Variants in AMOTL1 observed in about 807,000 individuals in gnomAD.
The protein encoded by AMOTL1 is angiomotin like 1.
A neutral mutation model predicts 102.9 loss-of-function variants in AMOTL1; 45 were observed. The observed-to-expected ratio is 0.44, with a 90% CI of 0.34 to 0.56. The LOEUF (loss-of-function observed/expected upper bound fraction) is 0.56, where lower values mean the gene tolerates loss of function less well. AMOTL1 is among the 20% of genes least tolerant of loss of function. The pLI, the probability that AMOTL1 is intolerant of heterozygous loss-of-function variation, is 0.01. For synonymous variants in AMOTL1, 481 were observed against 484.7 expected (o/e 0.99, Z 0.10); for missense variants, 1,114 against 1,225.6 (o/e 0.91, Z 1.36).
intron 1 of AMOTL1, among the ~76,000 whole-genome samples, chr11:94,780,325 A>G (rs1388028865): frequency 6.6e-6 from 1 of 152,206 alleles, no homozygotes; most frequent in Non-Finnish European, 1.5e-5. Flanking sequence ...GTGGCCAGGT[A>G]AGGAGACTTT....
intron 3 of AMOTL1, among the ~76,000 whole-genome samples, chr11:94,760,669 T>A (rs72971744): frequency 6.6e-6 from 1 of 152,196 alleles, no homozygotes; most frequent in Non-Finnish European, 1.5e-5. Flanking sequence ...TGTTAACCCC[T>A]CTGTTATTGC....
chr11:94,863,050 T>A (rs1351369455), intron 9 of AMOTL1, among the ~76,000 whole-genome samples: 1 of 152,100 alleles, frequency 6.6e-6, no homozygotes, highest in Non-Finnish European at 1.5e-5. Flanking sequence ...AATACCTGAG[T>A]TAGAATCCAT....
intron 11 of AMOTL1, among the ~76,000 whole-genome samples, chr11:94,867,825 T>C (rs1290514679): frequency 6.6e-6 from 1 of 152,206 alleles, no homozygotes; most frequent in African/African-American, 2.4e-5. Context: ...TTCCACAGGC[T>C]GGGCGATGAA....
intron 3 of AMOTL1, among the ~76,000 whole-genome samples, chr11:94,741,512 C>A (rs1446976274): frequency 6.6e-6 from 1 of 152,152 alleles, no homozygotes; most frequent in East Asian, 1.9e-4. Flanking sequence ...TCCCTGATTT[C>A]TATTCCTCAG....
chr11:94,824,193 C>T (rs892833660), intron 4 of AMOTL1, among the ~76,000 whole-genome samples: 2 of 152,116 alleles, frequency 1.3e-5, no homozygotes, highest in African/African-American at 4.8e-5. Flanking sequence ...CCTTCTTGAA[C>T]CCAAAACTTT....
rs192987295 is a variant in AMOTL1, at chr11:94,719,065, A to C, written c.-50-9856A>C. ...GCTGTGAATAGGAATCCACTTAAAA[A>C]AATGAATAGACAATTGTCCCAATAA... On this transcript the variant is annotated intron_variant, in intron 1 of 4. Coordinates refer to the AMOTL1 transcript ENST00000299004. 3.7e-3 allele frequency among the ~76,000 whole-genome samples: 569 copies of C among 152,162 alleles called. 7 individuals are homozygous for C. The highest frequency in any genetic ancestry group is 0.013 in the African/African-American group (543 of 41,556).
rs764609049 is a variant in AMOTL1 at position 94,831,588 on chromosome 11, C to T, written c.1648+47C>T. 14 of 1,517,390 alleles carry T rather than the reference C, an allele frequency of 9.2e-6. No homozygotes were observed. In the African/African-American group the frequency reaches 1.2e-4, roughly 13 times the overall value. The allele number at this position is 1,517,390 out of a possible 1,614,324, so 94.0% of individuals were successfully genotyped here. ...ATCCCAAAGTTTGTTTGTTTAAAAA[C>T]GGGGTCCTGAAGGAAGAATCATATT... is the stretch of plus-strand genomic sequence containing the variant. On this transcript the variant is annotated intron_variant, in intron 6 of 12. Transcript: ENST00000433060.
chr11:94,844,803 G>A (rs1383906477), intron 6 of AMOTL1, among the ~76,000 whole-genome samples: 2 of 152,092 alleles, frequency 1.3e-5, no homozygotes, highest in African/African-American at 4.8e-5. Context: ...GAAATTTGGG[G>A]AACCATATTC....
At chr11:94,796,435 A>G (rs563593133) in intron 2 of AMOTL1, among the ~76,000 whole-genome samples, 1 of 152,316 alleles carries the variant, frequency 6.6e-6, no homozygotes, top group Admixed American at 6.5e-5. Context: ...AAATATAACA[A>G]ACAGAACTCT....
chr11:94,724,477 G>A (rs1346296997), intron 1 of AMOTL1, among the ~76,000 whole-genome samples: 1 of 152,162 alleles, frequency 6.6e-6, no homozygotes, highest in African/African-American at 2.4e-5. Context: ...GGCTGAATAA[G>A]CATATACTGG....
At position 94,799,867 on chromosome 11, in the gene AMOTL1, A is replaced by G. The variant is rs755521673; in HGVS notation, c.677A>G (p.Gln226Arg). 6.3e-7 allele frequency: 1 copy of G among 1,592,402 alleles called. No homozygotes were observed. Among genetic ancestry groups the G allele is most frequent in the African/African-American group, 1.3e-5 (1 of 74,596 alleles). ...HGYYMAGGTSQKSRTEGRPTV... is the reference protein window; with the variant it reads ...HGYYMAGGTSRKSRTEGRPTV... ...TACTACATGGCAGGGGGCACCAGTC[A>G]GAAGTCCCGAACTGAGGGGAGGCCC... The change falls in exon 3 of 13, where the codon CAG becomes CGG. Residue 226 changes from glutamine to arginine, a missense_variant. Transcript: ENST00000433060. This position sits in a 1 kb window ranked among gnomAD's most constrained non-coding sequence, Gnocchi z 4.5.
chr11:94,807,616 A>G (rs1278453544), intron 3 of AMOTL1, among the ~76,000 whole-genome samples: 1 of 152,176 alleles, frequency 6.6e-6, no homozygotes, highest in South Asian at 2.1e-4. Flanking sequence ...TTCCTTTTGT[A>G]ATAGTTCCTT....
At chr11:94,839,708 C>T (rs1458500954) in intron 6 of AMOTL1, among the ~76,000 whole-genome samples, 1 of 152,178 alleles carries the variant, frequency 6.6e-6, no homozygotes, top group Non-Finnish European at 1.5e-5. Flanking sequence ...ATTAGGACCT[C>T]CTTTTTCTTA....
chr11:94,780,467 T>C (rs1001911538), intron 1 of AMOTL1, among the ~76,000 whole-genome samples: 10 of 152,238 alleles, frequency 6.6e-5, no homozygotes, highest in African/African-American at 2.4e-4. Flanking sequence ...AAGTTGAAAA[T>C]GTAATTTTAG....
chr11:94,749,372 G>A (rs758297384), intron 3 of AMOTL1, among the ~76,000 whole-genome samples: 17 of 152,264 alleles, frequency 1.1e-4, no homozygotes, highest in South Asian at 2.1e-4. Flanking sequence ...CCAGGCCCCC[G>A]GCCAATTGGA....
intron 1 of AMOTL1, among the ~76,000 whole-genome samples, chr11:94,777,895 A>G (rs767215669): frequency 9.2e-5 from 14 of 152,174 alleles, no homozygotes; most frequent in Non-Finnish European, 1.8e-4. Context: ...TGGGGTTACA[A>G]TAAAAGGATA....
intron 1 of AMOTL1, among the ~76,000 whole-genome samples, chr11:94,708,165 C>T (rs1022014837): frequency 5.9e-5 from 9 of 152,218 alleles, no homozygotes; most frequent in African/African-American, 2.2e-4. Context: ...GTCCCCCCTG[C>T]TACCAGGCTC....
chr11:94,854,209 T>C, intron 8 of AMOTL1, 127 bp downstream of exon 8: 1 of 1,234,418 alleles, frequency 8.1e-7, no homozygotes, highest in Admixed American at 3.0e-5. Context: ...GAACTCCCTG[T>C]CCTCAGTGAA....
At position 94,799,132 on chromosome 11, in the gene AMOTL1, T is replaced by C. The variant is rs1289149016; in HGVS notation, c.200-258T>C. 6.6e-6 allele frequency among the ~76,000 whole-genome samples: 1 copy of C among 151,392 alleles called. No homozygotes were observed. The highest frequency in any genetic ancestry group is 1.5e-5 in the Non-Finnish European group (1 of 67,840). ...GAAGAGAAAGGACCGGTGGGGAGAT[T>C]AGAGAAAAGGGAGGGGTTGAAGGAT... is the stretch of plus-strand genomic sequence containing the variant. On this transcript the variant is annotated intron_variant, in intron 2 of 12. Transcript: ENST00000433060. This position sits in a 1 kb window ranked among gnomAD's most constrained non-coding sequence, Gnocchi z 4.5.
Sources: gnomAD v4.1 joint callset for allele counts (sites outside exome capture counted in the v4.1 genomes callset) on GRCh38, gnomAD v4.1.1 for gene constraint, Gnocchi (gnomAD v3.1) non-coding constraint, MANE v1.5 for transcripts, NCBI Gene and HGNC (gene_info 2026-07-23, HGNC 2026-07-21) for gene names.